Variants in ASTN2 observed in about 807,000 individuals in gnomAD.
ASTN2 encodes astrotactin 2, also known as astrotactin-2.
A neutral mutation model predicts 139.8 loss-of-function variants in ASTN2; 54 were observed. The observed-to-expected ratio is 0.39, with a 90% CI of 0.31 to 0.48. The LOEUF (loss-of-function observed/expected upper bound fraction) is 0.48. Among genes scored for constraint, ASTN2 ranks in the 20% least tolerant of loss-of-function variants. The pLI, the probability that ASTN2 is intolerant of heterozygous loss-of-function variation, is 0.95. For synonymous variants in ASTN2, 756 were observed against 719.5 expected (o/e 1.05, Z -0.81); for missense variants, 1,565 against 1,725.1 (o/e 0.91, Z 1.64).
chr9:117,344,458 G>A (rs1008249775), intron 1 of ASTN2, among the ~76,000 whole-genome samples: 18 of 152,122 alleles, frequency 1.2e-4, no homozygotes, highest in Admixed American at 2.0e-4. Context: ...AAGGAAAAGT[G>A]TTGTATTAAC....
At chr9:116,966,081 AATC>A (rs1292046501) in intron 10 of ASTN2, among the ~76,000 whole-genome samples, 1 of 152,106 alleles carries the variant, frequency 6.6e-6, no homozygotes, top group Non-Finnish European at 1.5e-5. Flanking sequence ...ACATGCCCAA[AATC>A]ATACTTTCAT....
At chr9:117,195,428 G>A (rs978387942) in intron 3 of ASTN2, among the ~76,000 whole-genome samples, 7 of 152,178 alleles carry the variant, frequency 4.6e-5, no homozygotes, top group African/African-American at 1.4e-4. Flanking sequence ...GTTGTGACTG[G>A]AGTGATCACA....
At chr9:116,890,664 A>G (rs1349918414) in intron 10 of ASTN2, among the ~76,000 whole-genome samples, 1 of 152,150 alleles carries the variant, frequency 6.6e-6, no homozygotes, top group Non-Finnish European at 1.5e-5. Context: ...AAAGATGAAA[A>G]TGTATTCATG....
intron 16 of ASTN2, among the ~76,000 whole-genome samples, chr9:116,682,954 C>T (rs1361375143): frequency 6.6e-6 from 1 of 151,504 alleles, no homozygotes; most frequent in Non-Finnish European, 1.5e-5. Context: ...TGCAGCACAC[C>T]AGCATGGCAC....
chr9:116,753,410 T>C (rs1314848142), intron 13 of ASTN2, among the ~76,000 whole-genome samples: 1 of 152,226 alleles, frequency 6.6e-6, no homozygotes, highest in Non-Finnish European at 1.5e-5. Flanking sequence ...GAAAGTATTC[T>C]GTATATTCTG....
At chr9:116,450,925 C>G (rs560153911) in intron 20 of ASTN2, among the ~76,000 whole-genome samples, 70 of 152,328 alleles carry the variant, frequency 4.6e-4, no homozygotes, top group African/African-American at 1.7e-3. Context: ...ACTTTCAAAA[C>G]AACTCAGTCT....
At chr9:116,825,166 A>C (rs1831593054) in intron 11 of ASTN2, among the ~76,000 whole-genome samples, 1 of 152,208 alleles carries the variant, frequency 6.6e-6, no homozygotes, top group African/African-American at 2.4e-5. Flanking sequence ...GGAGACAAGA[A>C]TATGAGGACT....
intron 11 of ASTN2, among the ~76,000 whole-genome samples, chr9:116,840,986 C>A (rs1832231961): frequency 6.6e-6 from 1 of 152,080 alleles, no homozygotes; most frequent in Non-Finnish European, 1.5e-5. Flanking sequence ...GGCGGCCGGG[C>A]AGAGGCTGCA....
At chr9:117,114,266 T>A (rs192735795) in intron 4 of ASTN2, among the ~76,000 whole-genome samples, 8 of 152,088 alleles carry the variant, frequency 5.3e-5, no homozygotes, top group Admixed American at 1.3e-4. Flanking sequence ...TTTAGTCTAA[T>A]ATAACTCATT....
intron 17 of ASTN2, among the ~76,000 whole-genome samples, chr9:116,630,173 A>G (rs1325676563): frequency 6.6e-6 from 1 of 152,176 alleles, no homozygotes; most frequent in Non-Finnish European, 1.5e-5. Context: ...TGGTGTCACT[A>G]TATAGAGGAT....
intron 3 of ASTN2, among the ~76,000 whole-genome samples, chr9:117,185,640 CA>C (rs1424993466): frequency 6.6e-6 from 1 of 152,076 alleles, no homozygotes; most frequent in Non-Finnish European, 1.5e-5. Context: ...TTGGATATGA[CA>C]AATTCTTTCA....
At chr9:117,199,643 T>C (rs899839052) in intron 3 of ASTN2, among the ~76,000 whole-genome samples, 1 of 151,272 alleles carries the variant, frequency 6.6e-6, no homozygotes, top group East Asian at 2.0e-4. Flanking sequence ...TTAAAGTAGT[T>C]TTTTTTTTCT....
chr9:117,170,677 G>A (rs910527391), intron 3 of ASTN2, among the ~76,000 whole-genome samples: 1 of 152,118 alleles, frequency 6.6e-6, no homozygotes, highest in Admixed American at 6.5e-5. Context: ...GAGGTCACAA[G>A]CAGCCAGGTA....
intron 10 of ASTN2, among the ~76,000 whole-genome samples, chr9:116,904,946 C>T (rs1327409673): frequency 6.6e-6 from 1 of 152,142 alleles, no homozygotes. Flanking sequence ...CCCTTCCACC[C>T]TCCGCACCCC....
intron 13 of ASTN2, among the ~76,000 whole-genome samples, chr9:116,733,920 A>C (rs960966256): frequency 2.0e-5 from 3 of 152,216 alleles, no homozygotes; most frequent in African/African-American, 7.2e-5. Flanking sequence ...GTCCCCTGGC[A>C]TAAGCAGTGG....
intron 17 of ASTN2, among the ~76,000 whole-genome samples, chr9:116,627,185 C>T (rs1296542944): frequency 6.6e-6 from 1 of 152,122 alleles, no homozygotes; most frequent in Non-Finnish European, 1.5e-5. Context: ...TCTTCTTATT[C>T]CCAAACAAGA....
intron 2 of ASTN2, among the ~76,000 whole-genome samples, chr9:117,274,194 C>CA (rs1045373651): frequency 2.6e-5 from 4 of 152,012 alleles, no homozygotes; most frequent in Non-Finnish European, 4.4e-5. Context: ...ACTAAAAATA[C>CA]AAAAAAATAG....
At chr9:116,863,058 A>G (rs2132340218) in intron 11 of ASTN2, among the ~76,000 whole-genome samples, 1 of 151,854 alleles carries the variant, frequency 6.6e-6, no homozygotes, top group African/African-American at 2.4e-5. Context: ...CCCTTCCTTC[A>G]TGTCTTTGCT....
chr9:117,081,823 C>T (rs560886975), intron 5 of ASTN2, among the ~76,000 whole-genome samples: 1 of 152,278 alleles, frequency 6.6e-6, no homozygotes, highest in South Asian at 2.1e-4. Flanking sequence ...TCCCTGCTGA[C>T]AGCTGGCAGG....
Sources: gnomAD v4.1 joint callset for allele counts (sites outside exome capture counted in the v4.1 genomes callset) on GRCh38, gnomAD v4.1.1 for gene constraint, MANE v1.5 for transcripts, NCBI Gene and HGNC (gene_info 2026-07-23, HGNC 2026-07-21) for gene names.